Variants in ARL10 observed in about 807,000 individuals in gnomAD.
The protein encoded by ARL10 is ARF like GTPase 10, also known as ADP-ribosylation factor-like protein 10.
A neutral mutation model predicts 26.1 loss-of-function variants in ARL10; 23 were observed. The observed-to-expected ratio is 0.88, with a 90% CI of 0.63 to 1.25. The LOEUF (loss-of-function observed/expected upper bound fraction) is 1.25, where lower values mean the gene tolerates loss of function less well. Ranked by LOEUF, ARL10 falls within the 50% of genes most tolerant of loss-of-function variation. ARL10 has a pLI of 0.00. For synonymous variants in ARL10, 138 were observed against 149.1 expected, an observed-to-expected ratio of 0.93 and a Z score of 0.54; for missense variants, 300 against 323.6, an observed-to-expected ratio of 0.93 and a Z score of 0.56.
intron 1 of ARL10, among the ~76,000 whole-genome samples, chr5:176,395,992 G>A (rs182684061): frequency 3.1e-4 from 47 of 152,174 alleles, no homozygotes; most frequent in South Asian, 4.2e-4. Context: ...AAAGTTAGCC[G>A]GGCACGGTTG....
At position 176,373,107 on chromosome 5, in the gene ARL10, G is replaced by A. The variant is rs1159935533; in HGVS notation, c.*1212G>A. ...GGGTAGATAAGAAATGACTCTGGGA[G>A]AGGATTTCCCTTATGTGAATCTAGG... On this transcript the variant is annotated 3_prime_UTR_variant, in exon 4 of 4. Transcript: ENST00000310389. 7.5e-6 allele frequency: 3 copies of A among 398,440 alleles called. No individual in the cohort carries two copies. Among genetic ancestry groups the A allele is most frequent in the Non-Finnish European group, 1.3e-5 (3 of 226,064 alleles). 24.7% of individuals were successfully genotyped at this position (398,440 alleles called of 1,614,324 possible).
chr5:176,388,556 C>A (rs767108492), exon 2 of ARL10: 1 of 1,599,392 alleles, frequency 6.3e-7, no homozygotes, highest in South Asian at 1.1e-5. Flanking sequence ...GACCACCGCA[C>A]CAGCAGCTCA....
downstream of ARL10, chr5:176,406,438 A>G: frequency 1.7e-6 from 2 of 1,167,426 alleles, no homozygotes; most frequent in Non-Finnish European, 2.2e-6. Context: ...GGGATGGCCA[A>G]GAGGATGAGC....
downstream of ARL10, among the ~76,000 whole-genome samples, chr5:176,403,940 A>G (rs1415851718): frequency 6.6e-6 from 1 of 151,726 alleles, no homozygotes; most frequent in Non-Finnish European, 1.5e-5. Context: ...TTTTATTTTT[A>G]GTAGAGACAG....
chr5:176,382,351 C>T (rs1299914912), downstream of ARL10, among the ~76,000 whole-genome samples: 1 of 152,228 alleles, frequency 6.6e-6, no homozygotes, highest in Non-Finnish European at 1.5e-5. Flanking sequence ...AGCTGCCAAC[C>T]TAGCTGAGCT....
At chr5:176,395,561 C>T (rs1161898484) in intron 1 of ARL10, among the ~76,000 whole-genome samples, 5 of 152,216 alleles carry the variant, frequency 3.3e-5, no homozygotes, top group African/African-American at 1.2e-4. Context: ...ACCTTCTCTT[C>T]AGCTCCACAA....
At chr5:176,385,877 A>T (rs564040460), downstream of ARL10, 1 of 152,934 alleles carries the variant, frequency 6.5e-6, no homozygotes, top group Non-Finnish European at 1.5e-5. Flanking sequence ...CTTTTAAAAT[A>T]GACAGGCAAA....
At chr5:176,406,969 A>C in the ARL10 span, among the ~76,000 whole-genome samples, 306 of 152,262 alleles carry the variant, frequency 2.0e-3, 2 homozygotes, top group African/African-American at 7.2e-3. Flanking sequence ...TAAGCTTCTG[A>C]GTGATTCAGC....
At chr5:176,370,397 C>A (rs1339412530) in intron 3 of ARL10, among the ~76,000 whole-genome samples, 1 of 152,210 alleles carries the variant, frequency 6.6e-6, no homozygotes, top group African/African-American at 2.4e-5. Context: ...TGCCAGAGTA[C>A]AGAGTCTGAT....
chr5:176,387,299 C>G (rs2113594917), intron 1 of ARL10, among the ~76,000 whole-genome samples: 1 of 152,292 alleles, frequency 6.6e-6, no homozygotes, highest in South Asian at 2.1e-4. Flanking sequence ...AGGCCGGTCT[C>G]AAACTCCTGG....
downstream of ARL10, among the ~76,000 whole-genome samples, chr5:176,393,438 T>C (rs1756346375): frequency 2.0e-5 from 3 of 152,346 alleles, no homozygotes; most frequent in South Asian, 4.1e-4. The surrounding 1 kb of genome is among the most constrained non-coding windows in gnomAD (Gnocchi z 4.4). Context: ...ATTGCCTGAA[T>C]GTTCTGTGTG....
downstream of ARL10, among the ~76,000 whole-genome samples, chr5:176,390,052 C>T (rs1016119398): frequency 2.0e-5 from 3 of 151,830 alleles, no homozygotes; most frequent in African/African-American, 4.8e-5. Flanking sequence ...CGTGGTGTTG[C>T]GTGCCTGTAA....
downstream of ARL10, chr5:176,384,406 T>C: frequency 6.3e-7 from 1 of 1,588,974 alleles, no homozygotes; most frequent in Non-Finnish European, 8.6e-7. Context: ...TAAGGAGGGC[T>C]AGACAGGCAA....
chr5:176,409,038 G>A, the ARL10 span, among the ~76,000 whole-genome samples: 77 of 152,020 alleles, frequency 5.1e-4, 2 homozygotes, highest in Middle Eastern at 3.4e-3. Context: ...GTGCAGTGGC[G>A]TGATCTCGGC....
rs1755513860 is a variant in ARL10 at position 176,380,028 on chromosome 5, A to G, written c.*8133A>G. The stretch of plus-strand genomic sequence containing the variant: ...ATGGCTCTAAGCTCAGCTTTAGACC[A>G]TGGAGTAAAAGTGGTTACAGCAGGC... On this transcript the variant is annotated 3_prime_UTR_variant, in exon 4 of 4. Transcript: ENST00000310389. The G allele has an allele frequency of 6.6e-6, 1 of 152,244 alleles. No individual in the cohort carries two copies. Among genetic ancestry groups the G allele is most frequent in the Non-Finnish European group, 1.5e-5 (1 of 68,046 alleles). 9.4% of individuals were successfully genotyped at this position (152,244 alleles called of 1,614,324 possible).
At chr5:176,407,967 G>A in the ARL10 span, among the ~76,000 whole-genome samples, 6 of 152,272 alleles carry the variant, frequency 3.9e-5, no homozygotes, top group South Asian at 2.1e-4. Flanking sequence ...CCTCCAGGGC[G>A]GGGCTCAGAA....
At chr5:176,412,093 G>C in the ARL10 span, among the ~76,000 whole-genome samples, 2 of 150,832 alleles carry the variant, frequency 1.3e-5, no homozygotes, top group African/African-American at 4.9e-5. Flanking sequence ...GGAGAATGGT[G>C]TGAACCCGGG....
At chr5:176,387,811 A>C (rs1756004405) in intron 1 of ARL10, among the ~76,000 whole-genome samples, 1 of 152,190 alleles carries the variant, frequency 6.6e-6, no homozygotes, top group Non-Finnish European at 1.5e-5. Flanking sequence ...CTGAGGTGGG[A>C]TATAGCTTGA....
At chr5:176,401,306 C>CT (rs1384826858) in intron 1 of ARL10, among the ~76,000 whole-genome samples, 3 of 152,206 alleles carry the variant, frequency 2.0e-5, no homozygotes, top group Non-Finnish European at 4.4e-5. Flanking sequence ...CCAGCACTTA[C>CT]CTCTATCTGA....
Sources: gnomAD v4.1 joint callset for allele counts (sites outside exome capture counted in the v4.1 genomes callset) on GRCh38, gnomAD v4.1.1 for gene constraint, Gnocchi (gnomAD v3.1) non-coding constraint, MANE v1.5 for transcripts, NCBI Gene and HGNC (gene_info 2026-07-23, HGNC 2026-07-21) for gene names.